The following SEC22A variants were observed in gnomAD, a reference collection of about 807,000 sequenced individuals.
The protein encoded by SEC22A is SEC22 homolog A, vesicle trafficking protein, also known as vesicle-trafficking protein SEC22a.
A neutral mutation model predicts 35.3 loss-of-function variants in SEC22A; 22 were observed. The ratio of observed to expected loss-of-function variants is 0.62; its 90% confidence interval spans 0.45 to 0.89. The LOEUF (loss-of-function observed/expected upper bound fraction) is 0.89. Ranked by LOEUF, SEC22A falls within the 40% of genes least tolerant of loss-of-function variation. The pLI is 0.00. For missense variants in SEC22A, 354 were observed against 362.5 expected (o/e 0.98, Z 0.19); for synonymous variants, 119 against 129.5 (o/e 0.92, Z 0.55).
At chr3:123,267,894 T>G (rs764497662) in intron 6 of SEC22A, among the ~76,000 whole-genome samples, 18 of 152,234 alleles carry the variant, frequency 1.2e-4, no homozygotes, top group Non-Finnish European at 1.6e-4. Flanking sequence ...TTCTAGTTTT[T>G]TTCTGGCCTC....
intron 4 of SEC22A, among the ~76,000 whole-genome samples, chr3:123,228,478 G>A (rs1937253591): frequency 1.3e-5 from 2 of 151,288 alleles, no homozygotes; most frequent in Non-Finnish European, 2.9e-5. Context: ...GAGAGGCTGA[G>A]GCAGGGGAAT....
intron 2 of SEC22A, among the ~76,000 whole-genome samples, chr3:123,213,551 T>C (rs1936974694): frequency 6.6e-6 from 1 of 152,196 alleles, no homozygotes; most frequent in African/African-American, 2.4e-5. Flanking sequence ...CTTTCACAGA[T>C]CACCTGTAGA....
intron 2 of SEC22A, among the ~76,000 whole-genome samples, chr3:123,217,504 C>T (rs7646616): frequency 0.2 from 29,809 of 151,946 alleles, 3,028 homozygotes; most frequent in Middle Eastern, 0.28. Context: ...TGAGCCACCG[C>T]ACCCGGCCCA....
intron 5 of SEC22A, among the ~76,000 whole-genome samples, chr3:123,253,551 A>G (rs747950340): frequency 3.3e-5 from 5 of 152,070 alleles, no homozygotes; most frequent in African/African-American, 4.8e-5. Flanking sequence ...ATCTCTACTA[A>G]AAATACAAAA....
At chr3:123,225,696 T>C (rs1937208177) in intron 4 of SEC22A, among the ~76,000 whole-genome samples, 1 of 152,222 alleles carries the variant, frequency 6.6e-6, no homozygotes, top group African/African-American at 2.4e-5. Context: ...CTTTGTGTTA[T>C]AAACATGTCA....
In SEC22A at chr3:123,271,771, A is replaced by G. The variant is rs779515510; in HGVS notation, c.*49A>G. The G allele has an allele frequency of 2.1e-6, 3 of 1,421,874 alleles. No individual in the cohort carries two copies. Among genetic ancestry groups the G allele is most frequent in the Non-Finnish European group, 3.0e-6 (3 of 1,010,154 alleles). The allele number at this position is 1,421,874 out of a possible 1,614,324, so 88.1% of individuals were successfully genotyped here. The stretch of plus-strand genomic sequence containing the variant: ...TTGGCTTCAGGGGGATAAGGAGGGA[A>G]CATATCATAACTGCACTGTGATGAA... On this transcript the variant is annotated 3_prime_UTR_variant, in exon 7 of 7. Transcript: ENST00000492595.
chr3:123,211,491 G>C (rs1226876968), intron 2 of SEC22A, among the ~76,000 whole-genome samples: 1 of 152,056 alleles, frequency 6.6e-6, no homozygotes, highest in Non-Finnish European at 1.5e-5. Context: ...ACTGGGGCTT[G>C]CTCTGTTACC....
chr3:123,266,839 G>A (rs1938038146), intron 6 of SEC22A, among the ~76,000 whole-genome samples: 1 of 152,110 alleles, frequency 6.6e-6, no homozygotes, highest in Non-Finnish European at 1.5e-5. Context: ...TTTCTGTCTA[G>A]TGTTATACCA....
At chr3:123,252,620 G>A (rs569947955) in intron 5 of SEC22A, among the ~76,000 whole-genome samples, 94 of 152,278 alleles carry the variant, frequency 6.2e-4, no homozygotes, top group African/African-American at 2.1e-3. Flanking sequence ...CACTCTTTCT[G>A]AATGCTGAAA....
chr3:123,239,458 C>A (rs932617139), intron 4 of SEC22A, among the ~76,000 whole-genome samples: 1 of 152,040 alleles, frequency 6.6e-6, no homozygotes, highest in Non-Finnish European at 1.5e-5. Context: ...CCACCCACCC[C>A]ACAACAGTCC....
chr3:123,247,275 A>G (rs1392777560), intron 5 of SEC22A, among the ~76,000 whole-genome samples: 1 of 152,208 alleles, frequency 6.6e-6, no homozygotes, highest in Admixed American at 6.5e-5. Flanking sequence ...GTATAGGGGT[A>G]TGAAGAGTTG....
In SEC22A at chr3:123,245,985, G is replaced by A; in HGVS notation, c.628G>A (p.Gly210Ser). The change falls in exon 5 of 7, where the codon GGC becomes AGC. Residue 210 changes from glycine to serine, a missense_variant. Transcript: ENST00000492595. The stretch of plus-strand genomic sequence containing the variant: ...ATGTGGAGCTCTGAATTTAATTCGA[G>A]GCTTTCATGCTATAGAAAGTCTCCT... ...LLCGALNLIR[G>S]FHAIESLLQS... 1 of 1,611,058 alleles carries A rather than the reference G, an allele frequency of 6.2e-7. No homozygotes were observed. Among genetic ancestry groups the A allele is most frequent in the Non-Finnish European group, 8.5e-7 (1 of 1,177,332 alleles).
chr3:123,231,967 G>A (rs990942208), intron 4 of SEC22A, among the ~76,000 whole-genome samples: 3 of 152,158 alleles, frequency 2.0e-5, no homozygotes, highest in South Asian at 2.1e-4. Flanking sequence ...GGCCAGGCAC[G>A]GTGGCTCATG....
intron 4 of SEC22A, among the ~76,000 whole-genome samples, chr3:123,238,443 A>C (rs1937461297): frequency 1.3e-5 from 2 of 152,098 alleles, no homozygotes; most frequent in African/African-American, 4.8e-5. Flanking sequence ...TGATCTGCCC[A>C]CTTTGGCCTC....
At chr3:123,237,880 A>T (rs924353719) in intron 4 of SEC22A, among the ~76,000 whole-genome samples, 3 of 152,090 alleles carry the variant, frequency 2.0e-5, no homozygotes, top group Non-Finnish European at 4.4e-5. Flanking sequence ...GGCAAGATGC[A>T]GTGGTTCACG....
At chr3:123,252,369 AAAGTTTTATCTATTTTG>A (rs1215936403) in intron 5 of SEC22A, among the ~76,000 whole-genome samples, 4 of 152,122 alleles carry the variant, frequency 2.6e-5, no homozygotes, top group Non-Finnish European at 4.4e-5. Context: ...CACAGGACTT[AAAGTTTTATCTATTTTG>A]AAGTTACCTA....
rs985598100 is a variant in SEC22A, at chr3:123,233,506, A to G, written c.541+8209A>G. On this transcript the variant is annotated intron_variant, in intron 4 of 6. Coordinates refer to ENST00000492595, the MANE Select transcript of SEC22A (RefSeq NM_012430.5). Reference sequence around the variant, plus strand: ...ATCCTGACCAAGTGGGATTTATCTCAGGTGTGCAAGGTTGCTTTAACATCC... The same window carrying G: ...ATCCTGACCAAGTGGGATTTATCTCGGGTGTGCAAGGTTGCTTTAACATCC... Among the ~76,000 whole-genome samples the G allele has an allele frequency of 9.9e-5, 15 of 152,226 alleles. 1 individual carries two copies. The highest frequency in any genetic ancestry group is 9.2e-4 in the Admixed American group (14 of 15,284).
rs1255644951 is a variant in SEC22A, at chr3:123,209,191, T to C, written c.-19-8T>C. ...TTTATGTAACCCAAATTGTTCATTT[T>C]GTTTTAGGTCTTCTCTGTTGGTTGA... On this transcript the variant is annotated splice_polypyrimidine_tract_variant and splice_region_variant and intron_variant, in intron 1 of 6. Transcript: ENST00000492595. The C allele has an allele frequency of 1.2e-6, 2 of 1,611,604 alleles. No homozygotes were observed. The highest frequency in any genetic ancestry group is 1.7e-6 in the Non-Finnish European group (2 of 1,178,198).
intron 2 of SEC22A, among the ~76,000 whole-genome samples, chr3:123,211,520 CATG>C (rs1288134803): frequency 6.6e-6 from 1 of 152,072 alleles, no homozygotes; most frequent in Non-Finnish European, 1.5e-5. Context: ...AATGCAGTGG[CATG>C]ATGACAGCTC....
Sources: gnomAD v4.1 joint callset for allele counts (sites outside exome capture counted in the v4.1 genomes callset) on GRCh38, gnomAD v4.1.1 for gene constraint, MANE v1.5 for transcripts, NCBI Gene and HGNC (gene_info 2026-07-23, HGNC 2026-07-21) for gene names.